TMEM266: variants seen among roughly 807,000 people sequenced by gnomAD.
TMEM266 encodes the protein Hv1 related protein 1.
TMEM266 carries 33 observed loss-of-function variants against 50.5 expected under a neutral mutation model. The observed-to-expected ratio is 0.65, with a 90% CI of 0.50 to 0.87. The LOEUF (loss-of-function observed/expected upper bound fraction) is 0.87, where lower values mean the gene tolerates loss of function less well. Among genes scored for constraint, TMEM266 ranks in the 40% least tolerant of loss-of-function variants. The probability of loss-of-function intolerance (pLI) is 0.00; values close to 1 mark genes in which losing one functional copy is unlikely to be tolerated. For missense variants in TMEM266, 655 were observed against 695.1 expected (o/e 0.94, Z 0.65); for synonymous variants, 310 against 292.3 (o/e 1.06, Z -0.62).
At chr15:76,166,042 C>A (rs914724549) in intron 5 of TMEM266, among the ~76,000 whole-genome samples, 1 of 152,168 alleles carries the variant, frequency 6.6e-6, no homozygotes, top group Non-Finnish European at 1.5e-5. Flanking sequence ...GTAAACCCCC[C>A]GATGCTGCTT....
In TMEM266 at chr15:76,203,947, GACTGCAGC is replaced by G. The variant is rs1350210257; in HGVS notation, c.1234_1241del (p.Ser412ProfsTer7). On this transcript the variant is annotated frameshift_variant, in exon 11 of 11. Transcript: ENST00000388942. LOFTEE classifies it high-confidence loss of function. ...CAGCCAGACGCTGGGCTCCTCCATG[GACTGCAGC>G]ACTGCCCGCGAGGAGCCGTCCTCTG... is the stretch of plus-strand genomic sequence containing the variant. 6.2e-7 allele frequency: 1 copy of G among 1,613,862 alleles called. No individual in the cohort carries two copies. Among genetic ancestry groups the G allele is most frequent in the Admixed American group, 1.7e-5 (1 of 60,022 alleles).
At position 76,077,067 on chromosome 15, in the gene TMEM266, C is replaced by T. The variant is rs868467977; in HGVS notation, c.-97+17051C>T. Among the ~76,000 whole-genome samples the T allele has an allele frequency of 2.0e-4, 31 of 151,924 alleles. 2 individuals carry two copies. The highest frequency in any genetic ancestry group is 6.5e-4 in the African/African-American group (27 of 41,258). The stretch of plus-strand genomic sequence containing the variant: ...GCAACCCCTGCTTCATGGGCTCAAG[C>T]GATTCTCCAGCCTCAGCCTCCCAAG... On this transcript the variant is annotated intron_variant, in intron 1 of 10. Transcript: ENST00000388942.
Position 76,170,937 on chromosome 15 carries a change from C to T in TMEM266, c.514-56C>T, listed in dbSNP as rs911342111. ...CACCAGCTGCTTTGCCTGACTGACCCCTGGTCCCGGACACACGGCAGGGCC... is the reference window on the plus strand; with the variant it reads ...CACCAGCTGCTTTGCCTGACTGACCTCTGGTCCCGGACACACGGCAGGGCC... On this transcript the variant is annotated intron_variant, in intron 6 of 10. Transcript: ENST00000388942. 5.8e-6 allele frequency: 9 copies of T among 1,551,174 alleles called. No individual in the cohort carries two copies. In the African/African-American group the frequency reaches 1.1e-4, roughly 19 times the overall value.
intron 9 of TMEM266, among the ~76,000 whole-genome samples, chr15:76,198,903 C>T: frequency 6.6e-6 from 1 of 152,250 alleles, no homozygotes. Context: ...ACTCCAAGGC[C>T]CTGTGTGGGT....
Position 76,204,543 on chromosome 15 carries a change from G to T in TMEM266, c.*228G>T, listed in dbSNP as rs911498781. 1 of 422,794 alleles carries T rather than the reference G, an allele frequency of 2.4e-6. No individual in the cohort carries two copies. Among genetic ancestry groups the T allele is most frequent in the Non-Finnish European group, 4.2e-6 (1 of 238,968 alleles). 26.2% of individuals were successfully genotyped at this position (422,794 alleles called of 1,614,324 possible). On this transcript the variant is annotated 3_prime_UTR_variant, in exon 11 of 11. Transcript: ENST00000388942. ...CCCTGCTCAGGGGAGGGTGGTGCTC[G>T]TGGCTGGGTTTTCTTTTTAACCATT... is the stretch of plus-strand genomic sequence containing the variant.
Position 76,165,938 on chromosome 15 carries a change from C to T in TMEM266, c.457-3878C>T, listed in dbSNP as rs377656962. Among the ~76,000 whole-genome samples the T allele has an allele frequency of 9.3e-4, 142 of 152,210 alleles. 4 individuals carry two copies. In the South Asian group the frequency reaches 0.025, roughly 27 times the overall value. On this transcript the variant is annotated intron_variant, in intron 5 of 10. Transcript: ENST00000388942. The stretch of plus-strand genomic sequence containing the variant: ...ATCCCTGCGGTTCCGTCGGGTGCTC[C>T]GGGGGAGTTTGTTTAAAAAGCATAT...
rs1260048454 is a variant in TMEM266, at chr15:76,082,283, A to G, written c.-97+22267A>G. Among the ~76,000 whole-genome samples the G allele has an allele frequency of 2.0e-5, 3 of 152,148 alleles. No individual in the cohort carries two copies. In the East Asian group the frequency reaches 5.8e-4, roughly 29 times the overall value. ...GCTATAAGGGAATACCTGAGACTGG[A>G]TAGTCTATAAAGAAAATAAGTTTCT... On this transcript the variant is annotated intron_variant, in intron 1 of 10. Coordinates refer to ENST00000388942, the MANE Select transcript of TMEM266 (RefSeq NM_152335.3).
intron 9 of TMEM266, among the ~76,000 whole-genome samples, chr15:76,197,535 A>G (rs994466027): frequency 2.0e-4 from 31 of 152,242 alleles, no homozygotes; most frequent in African/African-American, 7.5e-4. Flanking sequence ...AGTGTTTTCA[A>G]AATGAAACAG....
At chr15:76,099,927 G>C (rs1411841586) in intron 1 of TMEM266, among the ~76,000 whole-genome samples, 2 of 152,084 alleles carry the variant, frequency 1.3e-5, no homozygotes, top group Non-Finnish European at 2.9e-5. Context: ...AGAGAGAGGA[G>C]ACAGAGGAGA....
intron 7 of TMEM266, among the ~76,000 whole-genome samples, chr15:76,171,911 C>A (rs2038194329): frequency 6.6e-6 from 1 of 152,094 alleles, no homozygotes; most frequent in African/African-American, 2.4e-5. Flanking sequence ...AAGAATGGTG[C>A]AGGATACTGG....
intron 1 of TMEM266, among the ~76,000 whole-genome samples, chr15:76,119,697 G>T (rs1374828528): frequency 6.6e-6 from 1 of 152,026 alleles, no homozygotes; most frequent in Non-Finnish European, 1.5e-5. Context: ...AACCCAGGAG[G>T]TGGAGGCTTC....
At chr15:76,175,695 G>C (rs1201040558) in intron 8 of TMEM266, 21 bp downstream of exon 8, 1 of 1,599,010 alleles carries the variant, frequency 6.3e-7, no homozygotes, top group African/African-American at 1.3e-5. Flanking sequence ...GCCACTTTCG[G>C]CTCTGTCCGT....
At chr15:76,145,137 T>C (rs1011940785) in intron 3 of TMEM266, among the ~76,000 whole-genome samples, 10 of 152,134 alleles carry the variant, frequency 6.6e-5, no homozygotes, top group African/African-American at 2.2e-4. Context: ...CCAGATTCCT[T>C]TCATCTCTGC....
chr15:76,186,742 A>G (rs1027144893), intron 8 of TMEM266, among the ~76,000 whole-genome samples: 4 of 152,094 alleles, frequency 2.6e-5, no homozygotes, highest in Non-Finnish European at 5.9e-5. Flanking sequence ...TCTGTTCTCC[A>G]TTCTGCGGTC....
chr15:76,189,706 C>A (rs903296229), intron 8 of TMEM266, among the ~76,000 whole-genome samples: 5 of 152,198 alleles, frequency 3.3e-5, no homozygotes, highest in Non-Finnish European at 1.5e-5. Context: ...GGAGACTGAG[C>A]TCCCCCACCC....
chr15:76,183,103 C>CTTTTTTTTT lies in TMEM266; in HGVS notation c.768+7451_768+7459dup, dbSNP rs71140199. 2.4e-3 allele frequency among the ~76,000 whole-genome samples: 108 copies of CTTTTTTTTT among 44,168 alleles called. 19 individuals carry two copies. The highest frequency in any genetic ancestry group is 4.3e-3 in the Admixed American group (9 of 2,104). The allele number at this position is 44,168 out of a possible 152,430, so 29.0% of individuals were successfully genotyped here. ...CCTCCAGGCTGCTTCCATTTTGTGG[C>CTTTTTTTTT]TTTTTTTTTTTTTTTTTTTTTTTTT... On this transcript the variant is annotated intron_variant, in intron 8 of 10. Coordinates refer to ENST00000388942, the MANE Select transcript of TMEM266 (RefSeq NM_152335.3).
intron 9 of TMEM266, among the ~76,000 whole-genome samples, chr15:76,195,753 T>C (rs1481146234): frequency 6.6e-6 from 1 of 152,214 alleles, no homozygotes; most frequent in African/African-American, 2.4e-5. Flanking sequence ...GGTCATTGGC[T>C]TTAGAGCTAA....
chr15:76,152,834 C>T (rs2037865197), intron 3 of TMEM266, among the ~76,000 whole-genome samples: 1 of 152,180 alleles, frequency 6.6e-6, no homozygotes, highest in Admixed American at 6.5e-5. Flanking sequence ...TTGCCTGACC[C>T]TCTCTCCCAC....
intron 1 of TMEM266, among the ~76,000 whole-genome samples, chr15:76,062,587 G>A (rs543307784): frequency 6.6e-6 from 1 of 152,178 alleles, no homozygotes; most frequent in African/African-American, 2.4e-5. Flanking sequence ...GGTGTTACTT[G>A]ATTTCTGGGG....
Sources: gnomAD v4.1 joint callset for allele counts (sites outside exome capture counted in the v4.1 genomes callset) on GRCh38, gnomAD v4.1.1 for gene constraint, MANE v1.5 for transcripts, NCBI Gene and HGNC (gene_info 2026-07-23, HGNC 2026-07-21) for gene names.